TYW1: variants seen among roughly 807,000 people sequenced by gnomAD.
TYW1 encodes the protein tRNA-yW synthesizing protein 1 homolog, also known as S-adenosyl-L-methionine-dependent tRNA 4-demethylwyosine synthase TYW1.
In TYW1, 46 loss-of-function variants were observed where a neutral mutation model predicts 96.2. That is an observed-to-expected ratio of 0.48 (90% CI 0.38 to 0.61). TYW1 has a LOEUF of 0.61. Among genes scored for constraint, TYW1 ranks in the 20% least tolerant of loss-of-function variants. TYW1 has a pLI of 0.00. For missense variants in TYW1, 684 were observed against 909.6 expected (o/e 0.75, Z 3.19); for synonymous variants, 274 against 323.0 (o/e 0.85, Z 1.63).
At chr7:67,001,894 C>T (rs567077033) in intron 3 of TYW1, among the ~76,000 whole-genome samples, 3 of 151,860 alleles carry the variant, frequency 2.0e-5, no homozygotes, top group East Asian at 2.0e-4. Flanking sequence ...ATTAGCTGGG[C>T]GTGGTGGTGC....
At chr7:67,209,306 A>T (rs542190958) in intron 15 of TYW1, among the ~76,000 whole-genome samples, 1 of 152,306 alleles carries the variant, frequency 6.6e-6, no homozygotes, top group Admixed American at 6.5e-5. Context: ...GGCTGGGAGA[A>T]GGTGGTACAG....
At chr7:67,016,737 C>G (rs1270403336) in intron 5 of TYW1, among the ~76,000 whole-genome samples, 1 of 151,986 alleles carries the variant, frequency 6.6e-6, no homozygotes, top group Non-Finnish European at 1.5e-5. Flanking sequence ...AGGTGATCCT[C>G]CCACCTTAGC....
At chr7:67,161,079 A>G (rs978617700) in intron 13 of TYW1, among the ~76,000 whole-genome samples, 1 of 152,126 alleles carries the variant, frequency 6.6e-6, no homozygotes, top group Non-Finnish European at 1.5e-5. Flanking sequence ...ACTGTGTTAT[A>G]TTGGTTAGTT....
In TYW1 at chr7:67,022,007, C is replaced by T. The variant is rs533192080; in HGVS notation, c.862-2893C>T. Among the ~76,000 whole-genome samples, 3 of 152,286 alleles carry T rather than the reference C, an allele frequency of 2.0e-5. No homozygotes were observed. The South Asian group carries it at 6.2e-4, about 32-fold the overall frequency. On this transcript the variant is annotated intron_variant, in intron 6 of 15. Transcript: ENST00000359626. ...CTCACTGCAGCCTCTAACTCCTGGG[C>T]TCAAGTGATCCTCCTATCTCAGCCT...
chr7:67,219,163 T>A (rs1300573434), intron 15 of TYW1, among the ~76,000 whole-genome samples: 1 of 152,238 alleles, frequency 6.6e-6, no homozygotes, highest in African/African-American at 2.4e-5. Flanking sequence ...TTAATTGAGA[T>A]GATCATGTGG....
intron 13 of TYW1, among the ~76,000 whole-genome samples, chr7:67,159,783 A>AATTTTATTTT (rs3071679): frequency 0.37 from 54,160 of 147,372 alleles, 10,332 homozygotes; most frequent in Middle Eastern, 0.44. Flanking sequence ...AATATCACAA[A>AATTTTATTTT]ATTTTATTTT....
intron 8 of TYW1, among the ~76,000 whole-genome samples, chr7:67,052,909 T>A (rs1163492118): frequency 1.3e-5 from 2 of 151,408 alleles, no homozygotes; most frequent in Non-Finnish European, 3.0e-5. Flanking sequence ...GCCTGGCTAA[T>A]TTTTTGTATT....
chr7:67,130,570 A>G (rs1798039593), intron 13 of TYW1, among the ~76,000 whole-genome samples: 1 of 151,988 alleles, frequency 6.6e-6, no homozygotes, highest in South Asian at 2.1e-4. Flanking sequence ...AGGCTGAGGC[A>G]GGAGAATGAT....
intron 15 of TYW1, among the ~76,000 whole-genome samples, chr7:67,218,413 G>A (rs1801273109): frequency 6.6e-6 from 1 of 151,414 alleles, no homozygotes; most frequent in African/African-American, 2.4e-5. Flanking sequence ...TAGTGCAGTG[G>A]CATGGTCTCA....
intron 12 of TYW1, among the ~76,000 whole-genome samples, chr7:67,110,059 ATTTG>A: frequency 6.6e-6 from 1 of 152,108 alleles, no homozygotes; most frequent in East Asian, 1.9e-4. Context: ...GGTTGTCTTT[ATTTG>A]AAGTGACTCA....
Position 66,996,888 on chromosome 7 carries a change from G to A in TYW1, c.-91G>A. The A allele has an allele frequency of 6.2e-7, 1 of 1,601,696 alleles. No homozygotes were observed. On this transcript the variant is annotated 5_prime_UTR_variant, in exon 1 of 16. Transcript: ENST00000359626. ...CAGGCACTCGGTACGCCGCTAACGC[G>A]GCGAGGTAGCTCGGTGCGTCTCGCG... is the stretch of plus-strand genomic sequence containing the variant.
chr7:67,141,504 C>T (rs1461569700), intron 13 of TYW1, among the ~76,000 whole-genome samples: 10 of 152,154 alleles, frequency 6.6e-5, no homozygotes, highest in African/African-American at 1.2e-4. Flanking sequence ...TTTATTCCCC[C>T]GCCTTTTGGA....
chr7:67,165,547 G>A (rs1319688819), intron 13 of TYW1, among the ~76,000 whole-genome samples: 2 of 151,704 alleles, frequency 1.3e-5, no homozygotes, highest in East Asian at 3.9e-4. Flanking sequence ...TCCCAGTTTT[G>A]GCAGTAGGGA....
At chr7:67,127,023 A>G (rs962647969) in intron 13 of TYW1, among the ~76,000 whole-genome samples, 5 of 151,690 alleles carry the variant, frequency 3.3e-5, no homozygotes, top group African/African-American at 2.4e-5. Context: ...TAGCATATTA[A>G]TCATACTTCA....
intron 15 of TYW1, among the ~76,000 whole-genome samples, chr7:67,211,999 C>T (rs1277796200): frequency 6.6e-6 from 1 of 152,202 alleles, no homozygotes; most frequent in East Asian, 1.9e-4. Flanking sequence ...CATTAAGATT[C>T]AGCATTTCAG....
chr7:67,235,840 G>A (rs1801866429), intron 15 of TYW1, among the ~76,000 whole-genome samples: 1 of 147,342 alleles, frequency 6.8e-6, no homozygotes, highest in Admixed American at 7.0e-5. Context: ...CTTGCAGTGA[G>A]CCGAGATAGC....
chr7:67,150,233 G>C (rs1254263541), intron 13 of TYW1, among the ~76,000 whole-genome samples: 1 of 152,180 alleles, frequency 6.6e-6, no homozygotes, highest in Non-Finnish European at 1.5e-5. Context: ...AGGAAAGCTA[G>C]AGACTGCCTA....
chr7:67,189,709 A>AT, intron 14 of TYW1, among the ~76,000 whole-genome samples: 1 of 152,246 alleles, frequency 6.6e-6, no homozygotes, highest in South Asian at 2.1e-4. Flanking sequence ...GCCCAGATTC[A>AT]TTAAGTTTTT....
chr7:67,107,960 T>C (rs961708880), intron 12 of TYW1, among the ~76,000 whole-genome samples: 7 of 150,358 alleles, frequency 4.7e-5, no homozygotes, highest in Non-Finnish European at 1.0e-4. Flanking sequence ...CACTACAACC[T>C]GCACCTCCCA....
Sources: allele counts gnomAD v4.1 joint callset (sites outside exome capture counted in the v4.1 genomes callset), GRCh38; gene constraint gnomAD v4.1.1; transcripts MANE v1.5; gene names NCBI Gene and HGNC (gene_info 2026-07-23, HGNC 2026-07-21).